GALC: variants seen among roughly 807,000 people sequenced by gnomAD.
The protein encoded by GALC is galactocerebrosidase.
A neutral mutation model predicts 91.8 loss-of-function variants in GALC; 77 were observed. That is an observed-to-expected ratio of 0.84 (90% CI 0.70 to 1.01). The LOEUF is 1.01. Among genes scored for constraint, GALC ranks in the 50% least tolerant of loss-of-function variants. The pLI, the probability that GALC is intolerant of heterozygous loss-of-function variation, is 0.00. For synonymous variants in GALC, 357 were observed against 306.7 expected, an observed-to-expected ratio of 1.16 and a Z score of -1.71; for missense variants, 882 against 855.9, an observed-to-expected ratio of 1.03 and a Z score of -0.38.
intron 14 of GALC, among the ~76,000 whole-genome samples, 185 bp from the exon 15 acceptor site, chr14:87,941,743 A>G (rs1884864240): frequency 6.6e-6 from 1 of 152,044 alleles, no homozygotes; most frequent in Admixed American, 6.6e-5. Context: ...TAAATGTTAC[A>G]TGACTTAAGT....
intron 10 of GALC, chr14:87,953,041 A>G: frequency 7.4e-7 from 1 of 1,357,492 alleles, no homozygotes; most frequent in Non-Finnish European, 1.0e-6. Context: ...AGTACTAAAC[A>G]AATTAATATA....
intron 1 of GALC, chr14:87,992,295 C>T (rs981178421): frequency 3.3e-6 from 5 of 1,535,570 alleles, no homozygotes; most frequent in African/African-American, 2.7e-5. Flanking sequence ...AAAACAAAAA[C>T]CTTCTCACCC....
intron 6 of GALC, among the ~76,000 whole-genome samples, chr14:87,978,248 T>A (rs1886588675): frequency 6.6e-6 from 1 of 152,106 alleles, no homozygotes; most frequent in Non-Finnish European, 1.5e-5. Flanking sequence ...ACAGGGTTTC[T>A]CCATGTTGGT....
chr14:87,975,986 T>C (rs997285586), intron 7 of GALC, among the ~76,000 whole-genome samples: 1 of 152,206 alleles, frequency 6.6e-6, no homozygotes, highest in Admixed American at 6.5e-5. Context: ...TTTACAAAAG[T>C]GTTCATGCAA....
At chr14:87,970,734 A>G (rs1275221931) in intron 7 of GALC, among the ~76,000 whole-genome samples, 1 of 150,584 alleles carries the variant, frequency 6.6e-6, no homozygotes, top group South Asian at 2.1e-4. Flanking sequence ...CCAGGCGTGG[A>G]GGTGTGTGCC....
At position 87,984,545 on chromosome 14, in the gene GALC, A is replaced by C. The variant is rs886038261; in HGVS notation, c.443-12T>G. On this transcript the variant is annotated splice_polypyrimidine_tract_variant and intron_variant, in intron 4 of 16. Transcript: ENST00000261304. ...TGACCATGGCAACCCTGCAGAGAGA[A>C]GGGAGGAGGCAAAGGTAGAGGAGGT... The C allele has an allele frequency of 1.1e-5, 17 of 1,614,096 alleles. No individual in the cohort carries two copies. Among genetic ancestry groups the C allele is most frequent in the Middle Eastern group, 3.3e-4 (2 of 6,060 alleles).
In GALC at chr14:87,934,740, T is replaced by C. The variant is rs1334231006; in HGVS notation, c.2050A>G (p.Thr684Ala). 4.3e-6 allele frequency: 7 copies of C among 1,613,236 alleles called. No homozygotes were observed. The East Asian group carries it at 1.3e-4, about 31-fold the overall frequency. ...TGATGCCCTGTTAAGTATTAGCGTGTGGCTTCCACAAGAAAGTTGTCAAAC... is the reference window on the plus strand; with the variant it reads ...TGATGCCCTGTTAAGTATTAGCGTGCGGCTTCCACAAGAAAGTTGTCAAAC... ...AQFDNFLVEA[T>A]R The change falls in exon 17 of 17, where the codon ACA (threonine) becomes GCA (alanine). Residue 684 changes from threonine to alanine, a missense_variant. Physicochemically the swap from Thr to Ala is moderately conservative, Grantham distance 58. Coordinates refer to ENST00000261304, the MANE Select transcript of GALC (RefSeq NM_000153.4).
Position 87,933,651 on chromosome 14 carries a change from A to G in GALC, c.*1081T>C. ...TTAGTTCAATGAGTAATTCTTATAAATAATTCTAGATTTACTTTACCTACA... is the reference window on the plus strand; with the variant it reads ...TTAGTTCAATGAGTAATTCTTATAAGTAATTCTAGATTTACTTTACCTACA... On this transcript the variant is annotated 3_prime_UTR_variant, in exon 17 of 17. Coordinates refer to ENST00000261304, the MANE Select transcript of GALC (RefSeq NM_000153.4). 4.1e-6 allele frequency: 1 copy of G among 241,750 alleles called. No individual in the cohort carries two copies. Among genetic ancestry groups the G allele is most frequent in the Non-Finnish European group, 7.9e-6 (1 of 126,640 alleles). 15.0% of individuals were successfully genotyped at this position (241,750 alleles called of 1,614,324 possible).
chr14:87,952,813 A>G (rs1885366978), intron 10 of GALC: 1 of 1,448,182 alleles, frequency 6.9e-7, no homozygotes, highest in Admixed American at 1.7e-5. Flanking sequence ...CAGAAGATTC[A>G]CTCCTCTAGA....
At chr14:87,937,236 T>C (rs1884613097) in intron 16 of GALC, among the ~76,000 whole-genome samples, 1 of 151,066 alleles carries the variant, frequency 6.6e-6, no homozygotes, top group African/African-American at 2.4e-5. Flanking sequence ...GCACTGGGAA[T>C]TTAAGATGAA....
At chr14:87,992,139 G>A (rs2139766868) in intron 1 of GALC, among the ~76,000 whole-genome samples, 1 of 152,308 alleles carries the variant, frequency 6.6e-6, no homozygotes, top group East Asian at 1.9e-4. Context: ...CTACAGACCA[G>A]GTCATCCTTG....
chr14:87,972,377 G>A (rs544136320), intron 7 of GALC, among the ~76,000 whole-genome samples: 5 of 152,108 alleles, frequency 3.3e-5, no homozygotes, highest in Non-Finnish European at 5.9e-5. Flanking sequence ...AAGGCAAAAA[G>A]AGAGCTTAAT....
intron 12 of GALC, 127 bp from the exon 13 acceptor site, chr14:87,948,005 T>C (rs947700645): frequency 2.4e-6 from 2 of 830,704 alleles, no homozygotes; most frequent in Non-Finnish European, 1.9e-6. Flanking sequence ...TCCTAAACAT[T>C]TGTGGAAAAC....
rs948754801 is a variant in GALC, at chr14:87,947,909, C to T, written c.1339-31G>A. On this transcript the variant is annotated intron_variant, in intron 12 of 16. Coordinates refer to ENST00000261304, the MANE Select transcript of GALC (RefSeq NM_000153.4). ...AAAGAAGACACTACTGTATTCAGGACCAGGTACTATAGCTCATCTCATGTG... is the reference window on the plus strand; with the variant it reads ...AAAGAAGACACTACTGTATTCAGGATCAGGTACTATAGCTCATCTCATGTG... The T allele has an allele frequency of 1.9e-6, 3 of 1,601,264 alleles. No homozygotes were observed. The African/African-American group carries it at 4.0e-5, about 22-fold the overall frequency.
At chr14:87,946,710 C>G (rs1010982182) in intron 13 of GALC, among the ~76,000 whole-genome samples, 2 of 151,794 alleles carry the variant, frequency 1.3e-5, no homozygotes, top group Admixed American at 6.6e-5. Flanking sequence ...GAGAACCAAG[C>G]GAGCAACAGA....
chr14:87,980,026 T>C (rs1443581468), intron 6 of GALC, among the ~76,000 whole-genome samples: 1 of 152,184 alleles, frequency 6.6e-6, no homozygotes, highest in Non-Finnish European at 1.5e-5. Flanking sequence ...TACCTAGCTC[T>C]GGCTGCAATA....
intron 14 of GALC, among the ~76,000 whole-genome samples, chr14:87,942,193 G>A (rs916402039): frequency 6.6e-6 from 1 of 152,020 alleles, no homozygotes; most frequent in Non-Finnish European, 1.5e-5. Context: ...CCCACAGCGT[G>A]ATTCAGTACA....
intron 10 of GALC, among the ~76,000 whole-genome samples, chr14:87,952,143 A>G (rs182550215): frequency 2.2e-4 from 34 of 152,046 alleles, no homozygotes; most frequent in Non-Finnish European, 1.0e-4. Flanking sequence ...AAGAAGAATT[A>G]AACAAAAACA....
In GALC at chr14:87,934,841, A is replaced by G. The variant is rs1249991480; in HGVS notation, c.1949T>C (p.Leu650Pro). The G allele has an allele frequency of 1.9e-6, 3 of 1,612,756 alleles. No homozygotes were observed. Among genetic ancestry groups the G allele is most frequent in the Non-Finnish European group, 2.5e-6 (3 of 1,179,130 alleles). ...FTSGMLNDKSLWTDIPVNFPK... is the reference protein window; with the variant it reads ...FTSGMLNDKSPWTDIPVNFPK... ...AAAATTCACAGGGATGTCTGTCCAC[A>G]GAGACTTGTCATTCAGCATGCCAGA... Residue 650 changes from leucine (L) to proline (P), a missense_variant, in exon 17 of 17, where the codon CTG (leucine) becomes CCG (proline). By Grantham distance (98) the Leu-to-Pro change is moderately conservative. Coordinates refer to ENST00000261304, the MANE Select transcript of GALC (RefSeq NM_000153.4).
Sources: allele counts gnomAD v4.1 joint callset (sites outside exome capture counted in the v4.1 genomes callset), GRCh38; gene constraint gnomAD v4.1.1; transcripts MANE v1.5; gene names NCBI Gene and HGNC (gene_info 2026-07-23, HGNC 2026-07-21).